TSGA13: variants seen among roughly 807,000 people sequenced by gnomAD.
The protein encoded by TSGA13 is testis specific 13.
Under a neutral mutation model 35.1 loss-of-function variants are expected in TSGA13, and 37 were observed. That is an observed-to-expected ratio of 1.05 (90% CI 0.81 to 1.39). The LOEUF is 1.39. TSGA13 is among the 40% of genes most tolerant of loss of function. The pLI, the probability that TSGA13 is intolerant of heterozygous loss-of-function variation, is 0.00. For missense variants in TSGA13, 338 were observed against 328.5 expected (o/e 1.03, Z -0.22); for synonymous variants, 124 against 121.2 (o/e 1.02, Z -0.15).
chr7:130,673,003 G>T, intron 5 of TSGA13, 127 bp from the exon 6 acceptor site: 1 of 1,103,716 alleles, frequency 9.1e-7, no homozygotes, highest in Non-Finnish European at 1.2e-6. Context: ...GTCAGAGGGG[G>T]AAGTGGGAAC....
intron 2 of TSGA13, 83 bp from the exon 3 acceptor site, chr7:130,683,755 G>T: frequency 7.6e-7 from 1 of 1,318,978 alleles, no homozygotes; most frequent in Non-Finnish European, 1.1e-6. Flanking sequence ...CCTCAACAAA[G>T]TTTGGAAGCC....
intron 2 of TSGA13, 27 bp downstream of exon 2, chr7:130,685,161 C>CT (rs1554465567): frequency 6.2e-7 from 1 of 1,611,074 alleles, no homozygotes; most frequent in African/African-American, 1.3e-5. Flanking sequence ...GTGTTTATAA[C>CT]TTAGTTGGGC....
chr7:130,680,986 A>G lies in TSGA13; in HGVS notation c.134T>C (p.Val45Ala). Residue 45 changes from valine to alanine, a missense_variant, in exon 4 of 8, where the codon GTT (valine) becomes GCT (alanine). Coordinates refer to ENST00000356588, the MANE Select transcript of TSGA13 (RefSeq NM_052933.4). The stretch of plus-strand genomic sequence containing the variant: ...TGTGTAATGCCGAAGGTTCTCTAGA[A>G]CAAATTTTGATTGCCCGACTGCATC... ...ISDAVGQSKFVLENLRHYTVH... is the reference protein window; with the variant it reads ...ISDAVGQSKFALENLRHYTVH... 1 of 1,614,206 alleles carries G rather than the reference A, an allele frequency of 6.2e-7. No homozygotes were observed. The highest frequency in any genetic ancestry group is 8.5e-7 in the Non-Finnish European group (1 of 1,180,024).
At chr7:130,672,689 A>C (rs1554463381) in intron 6 of TSGA13, 45 bp downstream of exon 6, 4 of 1,595,926 alleles carry the variant, frequency 2.5e-6, no homozygotes, top group Admixed American at 1.7e-5. Context: ...GTGAATAGGG[A>C]AAAGATAGGA....
chr7:130,671,614 C>T (rs1796267845), intron 7 of TSGA13, 47 bp downstream of exon 7: 1 of 1,515,326 alleles, frequency 6.6e-7, no homozygotes, highest in Non-Finnish European at 8.9e-7. Flanking sequence ...TATCTCCAGC[C>T]CAAATCTCAG....
At chr7:130,672,913 G>T (rs1051180789) in intron 5 of TSGA13, 37 bp from the exon 6 acceptor site, 2 of 1,583,936 alleles carry the variant, frequency 1.3e-6, no homozygotes, top group Non-Finnish European at 1.7e-6. Flanking sequence ...GAGGGAGTAA[G>T]CTGAGTCCCT....
At chr7:130,680,447 A>T (rs1796517248) in intron 4 of TSGA13, among the ~76,000 whole-genome samples, 1 of 151,480 alleles carries the variant, frequency 6.6e-6, no homozygotes, top group African/African-American at 2.4e-5. Context: ...CGGAGCTTGC[A>T]GTGAGCCGAG....
chr7:130,682,086 C>G (rs1478532445), intron 3 of TSGA13, among the ~76,000 whole-genome samples: 2 of 151,640 alleles, frequency 1.3e-5, no homozygotes, highest in Non-Finnish European at 2.9e-5. Flanking sequence ...TCTAAAGGCA[C>G]GTGCCACCAT....
chr7:130,680,374 G>T (rs782171241), intron 4 of TSGA13, among the ~76,000 whole-genome samples: 45 of 151,986 alleles, frequency 3.0e-4, no homozygotes, highest in Non-Finnish European at 4.0e-4. Context: ...GGCGTAGTGG[G>T]GGGCGCCTAT....
At chr7:130,678,393 T>A (rs1796461227) in intron 5 of TSGA13, among the ~76,000 whole-genome samples, 2 of 148,200 alleles carry the variant, frequency 1.3e-5, no homozygotes, top group East Asian at 2.0e-4. Flanking sequence ...AAAAAAAAAA[T>A]GGTTTGGCTA....
intron 4 of TSGA13, 71 bp from the exon 5 acceptor site, chr7:130,679,438 T>TAA: frequency 3.7e-6 from 5 of 1,351,954 alleles, no homozygotes; most frequent in Non-Finnish European, 5.1e-6. Context: ...ATCGGTTGGC[T>TAA]GATACTTAGC....
chr7:130,678,374 G>A (rs1206755607), intron 5 of TSGA13, among the ~76,000 whole-genome samples: 5 of 137,858 alleles, frequency 3.6e-5, no homozygotes, highest in East Asian at 2.0e-4. Context: ...ACGAGACTCC[G>A]TCTCAAAAAA....
rs782180454 is a variant in TSGA13 at position 130,669,136 on chromosome 7, C to T, written c.706G>A (p.Glu236Lys). 5.0e-6 allele frequency: 8 copies of T among 1,614,064 alleles called. No homozygotes were observed. The African/African-American group carries it at 5.3e-5, about 11-fold the overall frequency. Residue 236 changes from glutamate to lysine, a missense_variant, in exon 8 of 8, where the codon GAA becomes AAA. Coordinates refer to ENST00000356588, the MANE Select transcript of TSGA13 (RefSeq NM_052933.4). ...SERPISKVIR[E>K]PLTLASLLED... Reference sequence around the variant, plus strand: ...AAGAGCGATGCGAGTGTCAGTGGTTCCCGAATCACTTTGGAAATTGGCCTT... The same window carrying T: ...AAGAGCGATGCGAGTGTCAGTGGTTTCCGAATCACTTTGGAAATTGGCCTT...
In TSGA13 at chr7:130,675,525, A is replaced by G. The variant is rs1796392374; in HGVS notation, c.388-2649T>C. Among the ~76,000 whole-genome samples, 3 of 152,322 alleles carry G rather than the reference A, an allele frequency of 2.0e-5. No individual in the cohort carries two copies. In the South Asian group the frequency reaches 6.2e-4, roughly 32 times the overall value. On this transcript the variant is annotated intron_variant, in intron 5 of 7. Coordinates refer to ENST00000356588, the MANE Select transcript of TSGA13 (RefSeq NM_052933.4). ...TAGCCTCCGGAGTAGCTAGGACTAC[A>G]GGCATGTGCCACCACGCCTGGCTAA...
At chr7:130,669,721 TGA>T (rs1796209895) in intron 7 of TSGA13, among the ~76,000 whole-genome samples, 1 of 152,250 alleles carries the variant, frequency 6.6e-6, no homozygotes, top group African/African-American at 2.4e-5. Flanking sequence ...AGATTTAAGA[TGA>T]ACTGTTGATA....
Position 130,679,369 on chromosome 7 carries a change from T to C in TSGA13, c.175-2A>G, listed in dbSNP as rs544134786. The stretch of plus-strand genomic sequence containing the variant: ...CTTCAAAGGCTTATAGTACTGGGCC[T>C]GAACAGACAGAAAGGTTTCCAGAGA... On this transcript the variant is annotated splice_acceptor_variant, in intron 4 of 7. Transcript: ENST00000356588. LOFTEE classifies it high-confidence loss of function. 3.1e-6 allele frequency: 5 copies of C among 1,605,358 alleles called. No individual in the cohort carries two copies. The highest frequency in any genetic ancestry group is 4.3e-6 in the Non-Finnish European group (5 of 1,175,568).
At chr7:130,676,492 G>A (rs1796414274) in intron 5 of TSGA13, among the ~76,000 whole-genome samples, 1 of 152,180 alleles carries the variant, frequency 6.6e-6, no homozygotes, top group Admixed American at 6.5e-5. Flanking sequence ...CATTAAGCAG[G>A]GCAATCCTGG....
At chr7:130,684,655 C>A (rs116910665) in intron 2 of TSGA13, among the ~76,000 whole-genome samples, 22 of 152,266 alleles carry the variant, frequency 1.4e-4, no homozygotes, top group Non-Finnish European at 2.4e-4. Context: ...ATGATTCTAT[C>A]CCATTCAAGC....
chr7:130,682,737 G>A (rs1235081872), intron 3 of TSGA13, among the ~76,000 whole-genome samples: 3 of 152,184 alleles, frequency 2.0e-5, no homozygotes, highest in African/African-American at 7.2e-5. Context: ...CTATGCTCCA[G>A]GAAGAAAAGG....
Sources: gnomAD v4.1 joint callset for allele counts (sites outside exome capture counted in the v4.1 genomes callset) on GRCh38, gnomAD v4.1.1 for gene constraint, MANE v1.5 for transcripts, NCBI Gene and HGNC (gene_info 2026-07-23, HGNC 2026-07-21) for gene names.